Variants in CEP63 observed in about 807,000 individuals in gnomAD.
CEP63 encodes the protein centrosomal protein 63, also known as centrosomal protein of 63 kDa.
A neutral mutation model predicts 89.1 loss-of-function variants in CEP63; 84 were observed. The observed-to-expected ratio is 0.94, with a 90% CI of 0.79 to 1.13. The LOEUF (loss-of-function observed/expected upper bound fraction) is 1.13, where lower values mean the gene tolerates loss of function less well. Among genes scored for constraint, CEP63 ranks in the 50% most tolerant of loss-of-function variants. CEP63 has a pLI of 0.00. For missense variants in CEP63, 838 were observed against 813.3 expected (o/e 1.03, Z -0.37); for synonymous variants, 267 against 272.5 (o/e 0.98, Z 0.20).
intron 6 of CEP63, among the ~76,000 whole-genome samples, chr3:134,539,071 A>C (rs1951463730): frequency 1.3e-5 from 2 of 152,180 alleles, no homozygotes; most frequent in Non-Finnish European, 1.5e-5. Flanking sequence ...TTACATATAA[A>C]TGTATTTATC....
the CEP63 span, among the ~76,000 whole-genome samples, chr3:134,770,615 G>A: frequency 1.3e-5 from 2 of 152,090 alleles, no homozygotes; most frequent in African/African-American, 4.8e-5. Flanking sequence ...AAGCTAGTTT[G>A]TTGTCAAATA....
In CEP63 at chr3:134,546,403, G is replaced by T. The variant is rs1953328096; in HGVS notation, c.929+115G>T. The T allele has an allele frequency of 6.2e-6, 6 of 974,496 alleles. No homozygotes were observed. The South Asian group carries it at 8.4e-5, about 14-fold the overall frequency. 60.4% of individuals were successfully genotyped at this position (974,496 alleles called of 1,614,324 possible). A position where few individuals can be genotyped will look rare whatever the true frequency, so the allele number is the denominator to read the frequency against. On this transcript the variant is annotated intron_variant, in intron 8 of 14. Coordinates refer to ENST00000675561, the MANE Select transcript of CEP63 (RefSeq NM_001353108.3). ...TTTTCAGATAGTCTCCTGTTGCCCA[G>T]ACTGGAGTGCAGTGGTGCAATCTCA...
At chr3:134,513,566 G>A (rs984653553) in intron 3 of CEP63, among the ~76,000 whole-genome samples, 2 of 152,110 alleles carry the variant, frequency 1.3e-5, no homozygotes, top group African/African-American at 4.8e-5. Context: ...GTTCAGGGAG[G>A]TGTGTCCAGG....
At chr3:134,595,081 G>T in the CEP63 span, among the ~76,000 whole-genome samples, 1 of 152,158 alleles carries the variant, frequency 6.6e-6, no homozygotes, top group Non-Finnish European at 1.5e-5. Context: ...GATATGGTTT[G>T]GCTGTGTCCC....
At chr3:134,527,797 CTGG>C (rs963177251) in intron 3 of CEP63, among the ~76,000 whole-genome samples, 3 of 152,182 alleles carry the variant, frequency 2.0e-5, no homozygotes, top group Non-Finnish European at 4.4e-5. Flanking sequence ...GGCTGGGGCC[CTGG>C]GAGAGGCCAG....
At chr3:134,699,097 C>G in the CEP63 span, among the ~76,000 whole-genome samples, 1 of 152,184 alleles carries the variant, frequency 6.6e-6, no homozygotes, top group Non-Finnish European at 1.5e-5. Context: ...GGTATTTTAT[C>G]TGAAGGGGGC....
At chr3:134,526,912 A>G (rs1316259631) in intron 3 of CEP63, among the ~76,000 whole-genome samples, 1 of 83,568 alleles carries the variant, frequency 1.2e-5, no homozygotes, top group Non-Finnish European at 2.7e-5. Context: ...TGTGTGCTCT[A>G]ACTCTGGGGG....
intron 6 of CEP63, among the ~76,000 whole-genome samples, chr3:134,542,474 G>T (rs1240314204): frequency 6.6e-6 from 1 of 152,192 alleles, no homozygotes; most frequent in Non-Finnish European, 1.5e-5. Flanking sequence ...TAGTGGAAAT[G>T]CTGTGAGGCT....
the CEP63 span, among the ~76,000 whole-genome samples, chr3:134,623,792 A>G: frequency 6.6e-6 from 1 of 152,092 alleles, no homozygotes; most frequent in Non-Finnish European, 1.5e-5. Flanking sequence ...CAGATAGCAC[A>G]GCTCACGCTG....
the CEP63 span, among the ~76,000 whole-genome samples, chr3:134,707,421 TA>T: frequency 1.3e-5 from 2 of 152,196 alleles, no homozygotes; most frequent in African/African-American, 4.8e-5. Context: ...TACACAATCC[TA>T]ACTGAATGGA....
the CEP63 span, among the ~76,000 whole-genome samples, chr3:134,782,524 A>G: frequency 6.6e-6 from 1 of 152,084 alleles, no homozygotes; most frequent in South Asian, 2.1e-4. Context: ...CATCCATAAC[A>G]TTATTTAATT....
At chr3:134,547,899 G>A (rs752617869) in intron 9 of CEP63, among the ~76,000 whole-genome samples, 4 of 152,008 alleles carry the variant, frequency 2.6e-5, no homozygotes, top group African/African-American at 9.7e-5. Context: ...ATGAGTCACC[G>A]CACCCTGCCC....
the CEP63 span, chr3:134,610,735 G>T: frequency 5.0e-6 from 1 of 199,252 alleles, no homozygotes; most frequent in Non-Finnish European, 1.0e-5. Context: ...GGGGGCAAGC[G>T]TGAGGCTGGC....
chr3:134,638,367 C>G, the CEP63 span, among the ~76,000 whole-genome samples: 1 of 152,174 alleles, frequency 6.6e-6, no homozygotes, highest in Non-Finnish European at 1.5e-5. Context: ...AATTCGCAGT[C>G]AGATCTAAAC....
chr3:134,586,849 T>A (rs1958495685), intron 10 of CEP63, among the ~76,000 whole-genome samples: 1 of 152,230 alleles, frequency 6.6e-6, no homozygotes, highest in African/African-American at 2.4e-5. Flanking sequence ...AGATTTGGTC[T>A]TTTCACATAG....
intron 3 of CEP63, among the ~76,000 whole-genome samples, chr3:134,525,291 T>G (rs1055539720): frequency 2.0e-5 from 3 of 152,128 alleles, no homozygotes; most frequent in Non-Finnish European, 4.4e-5. Flanking sequence ...GTCTAGCTGG[T>G]GGTCTGTTTT....
downstream of CEP63, among the ~76,000 whole-genome samples, chr3:134,587,906 G>A (rs1272913920): frequency 6.6e-6 from 1 of 151,816 alleles, no homozygotes; most frequent in Non-Finnish European, 1.5e-5. Context: ...AGATGTAAGA[G>A]ATTTGAGAAA....
chr3:134,625,644 G>A, the CEP63 span, among the ~76,000 whole-genome samples: 1 of 152,228 alleles, frequency 6.6e-6, no homozygotes, highest in Non-Finnish European at 1.5e-5. Flanking sequence ...AGGAGGGCAT[G>A]GAAAGGCCGG....
At chr3:134,710,726 C>CAT in the CEP63 span, among the ~76,000 whole-genome samples, 2 of 132,146 alleles carry the variant, frequency 1.5e-5, no homozygotes, top group African/African-American at 5.5e-5. Flanking sequence ...CTTTTTCTTT[C>CAT]TTTTTTTTTT....
Sources: gnomAD v4.1 joint callset for allele counts (sites outside exome capture counted in the v4.1 genomes callset) on GRCh38, gnomAD v4.1.1 for gene constraint, MANE v1.5 for transcripts, NCBI Gene and HGNC (gene_info 2026-07-23, HGNC 2026-07-21) for gene names.